The following DPP6 variants were observed in gnomAD, a reference collection of about 807,000 sequenced individuals.
DPP6 encodes A-type potassium channel modulatory protein DPP6.
In DPP6, 69 loss-of-function variants were observed where a neutral mutation model predicts 122.6. That is an observed-to-expected ratio of 0.56 (90% CI 0.46 to 0.69). The LOEUF (loss-of-function observed/expected upper bound fraction) is 0.69. Among genes scored for constraint, DPP6 ranks in the 30% least tolerant of loss-of-function variants. The probability of loss-of-function intolerance (pLI) is 0.00; values close to 1 mark genes in which losing one functional copy is unlikely to be tolerated. For synonymous variants in DPP6, 418 were observed against 433.1 expected (o/e 0.97, Z 0.43); for missense variants, 928 against 1,116.9 (o/e 0.83, Z 2.41).
chr7:154,630,455 T>G (rs763646705), intron 5 of DPP6, among the ~76,000 whole-genome samples: 16 of 152,242 alleles, frequency 1.1e-4, no homozygotes, highest in Non-Finnish European at 1.8e-4. Context: ...GGGGAATGGC[T>G]GATGCGAATT....
chr7:154,244,935 T>A (rs549265482), intron 1 of DPP6, among the ~76,000 whole-genome samples: 1 of 150,858 alleles, frequency 6.6e-6, no homozygotes, highest in East Asian at 2.0e-4. Flanking sequence ...AAGACATAAC[T>A]GTATATCTAA....
At chr7:154,440,599 G>A (rs992371473) in intron 1 of DPP6, among the ~76,000 whole-genome samples, 25 of 152,184 alleles carry the variant, frequency 1.6e-4, no homozygotes, top group African/African-American at 6.0e-4. Flanking sequence ...CCTAACCATG[G>A]GTATAGTTAT....
rs567999610 is a variant in DPP6, at chr7:154,613,534, G to A, written c.628-24287G>A. ...CTCGGGAGGCTGAGGCAGGAGAATC[G>A]CTTGAACCCAGGAGGCAGAGGTTGT... On this transcript the variant is annotated intron_variant, in intron 5 of 25. Coordinates refer to ENST00000377770, the MANE Select transcript of DPP6 (RefSeq NM_130797.4). Among the ~76,000 whole-genome samples the A allele has an allele frequency of 5.8e-4, 83 of 144,228 alleles. 1 individual carries two copies. Among genetic ancestry groups the A allele is most frequent in the African/African-American group, 2.0e-3 (76 of 38,558 alleles). The allele number at this position is 144,228 out of a possible 152,430, so 94.6% of individuals were successfully genotyped here. A position where few individuals can be genotyped will look rare whatever the true frequency, so the allele number is the denominator to read the frequency against.
intron 1 of DPP6, among the ~76,000 whole-genome samples, chr7:154,416,020 A>G (rs79373365): frequency 0.013 from 1,932 of 152,088 alleles, 49 homozygotes; most frequent in African/African-American, 0.045. Context: ...TGCAGTCTCA[A>G]TTACCTGTGG....
intron 2 of DPP6, among the ~76,000 whole-genome samples, chr7:154,469,290 A>G (rs939737962): frequency 6.6e-6 from 1 of 152,212 alleles, no homozygotes; most frequent in Non-Finnish European, 1.5e-5. Flanking sequence ...ATTTAATGCA[A>G]TTCTCATCCC....
At chr7:154,537,301 C>T (rs1586570988) in intron 3 of DPP6, among the ~76,000 whole-genome samples, 1 of 152,160 alleles carries the variant, frequency 6.6e-6, no homozygotes, top group African/African-American at 2.4e-5. Context: ...CATGAAGAGA[C>T]TTTTAAACTG....
At chr7:154,080,820 C>T (rs1031617475) in intron 1 of DPP6, among the ~76,000 whole-genome samples, 4 of 152,168 alleles carry the variant, frequency 2.6e-5, no homozygotes, top group Non-Finnish European at 4.4e-5. Flanking sequence ...AGGTCGAAGC[C>T]AGTTCGAGGA....
At chr7:154,220,464 G>A (rs890383930) in intron 1 of DPP6, among the ~76,000 whole-genome samples, 1 of 152,108 alleles carries the variant, frequency 6.6e-6, no homozygotes, top group African/African-American at 2.4e-5. Flanking sequence ...AGCAACTATT[G>A]GGCATTAGAC....
intron 5 of DPP6, among the ~76,000 whole-genome samples, chr7:154,635,908 T>G (rs1835701133): frequency 6.6e-6 from 1 of 152,118 alleles, no homozygotes; most frequent in Admixed American, 6.5e-5. Context: ...CCACGATACC[T>G]CTTATAAGCT....
intron 1 of DPP6, among the ~76,000 whole-genome samples, chr7:154,054,204 G>C (rs551870625): frequency 1.2e-3 from 184 of 152,322 alleles, no homozygotes; most frequent in African/African-American, 4.3e-3. Context: ...ACCCAGGGCA[G>C]TACATTGCCG....
chr7:154,453,808 T>G (rs1035682804), intron 2 of DPP6, among the ~76,000 whole-genome samples: 1 of 152,162 alleles, frequency 6.6e-6, no homozygotes, highest in African/African-American at 2.4e-5. Flanking sequence ...TATGTCTACT[T>G]TTATGCCTGC....
In DPP6 at chr7:154,829,412, AGAG is replaced by A. The variant is rs1300115885; in HGVS notation, c.1666+22307_1666+22309del. Among the ~76,000 whole-genome samples the A allele has an allele frequency of 8.6e-4, 102 of 118,878 alleles. 1 individual carries two copies. Among genetic ancestry groups the A allele is most frequent in the South Asian group, 6.7e-3 (18 of 2,690 alleles). The allele number at this position is 118,878 out of a possible 152,430, so 78.0% of individuals were successfully genotyped here. On this transcript the variant is annotated intron_variant, in intron 16 of 25. Coordinates refer to ENST00000377770, the MANE Select transcript of DPP6 (RefSeq NM_130797.4). ...AAAAAGGAAAGGAGAGAAGAGGGGGAGAGGAGGAGAGGAGGAGAGGAGGAGAGG... is the reference window on the plus strand; with the variant it reads ...AAAAAGGAAAGGAGAGAAGAGGGGGAGAGGAGAGGAGGAGAGGAGGAGAGG...
At chr7:154,309,023 CAG>C (rs1806619686) in intron 1 of DPP6, among the ~76,000 whole-genome samples, 1 of 152,176 alleles carries the variant, frequency 6.6e-6, no homozygotes, top group African/African-American at 2.4e-5. Context: ...GTCACAAAAT[CAG>C]AGTTGGAAAG....
At chr7:153,869,575 C>T in the DPP6 span, among the ~76,000 whole-genome samples, 2 of 152,298 alleles carry the variant, frequency 1.3e-5, no homozygotes, top group South Asian at 4.1e-4. Flanking sequence ...TTCCTGAATA[C>T]AGCACACTGA....
In DPP6 at chr7:154,486,647, C is replaced by T. The variant is rs1018522477; in HGVS notation, c.457+11610C>T. Among the ~76,000 whole-genome samples, 2 of 152,202 alleles carry T rather than the reference C, an allele frequency of 1.3e-5. No individual in the cohort carries two copies. The highest frequency in any genetic ancestry group is 1.5e-5 in the Non-Finnish European group (1 of 68,034). On this transcript the variant is annotated intron_variant, in intron 3 of 25. Coordinates refer to ENST00000377770, the MANE Select transcript of DPP6 (RefSeq NM_130797.4). The surrounding 1 kb of genome is among the most constrained non-coding windows in gnomAD (Gnocchi z 4.5). ...TCCACGATACCGCAGTAGAACTTTA[C>T]AAAACTTCAGTCAGAGCATCAGCTT...
intron 10 of DPP6, among the ~76,000 whole-genome samples, chr7:154,776,244 C>CATAGACAG (rs1554463922): frequency 5.2e-4 from 18 of 34,564 alleles, no homozygotes; most frequent in Admixed American, 3.2e-3. Flanking sequence ...TAAACAGATA[C>CATAGACAG]ATAGATAGAT....
upstream of DPP6, among the ~76,000 whole-genome samples, chr7:154,049,157 T>C (rs62485569): frequency 0.24 from 33,151 of 135,706 alleles, 1,247 homozygotes; most frequent in Middle Eastern, 0.31. Context: ...GGAATAAAAA[T>C]CTGCTTCATC....
At chr7:154,262,831 T>C (rs1803124143) in intron 1 of DPP6, among the ~76,000 whole-genome samples, 1 of 152,176 alleles carries the variant, frequency 6.6e-6, no homozygotes, top group African/African-American at 2.4e-5. Context: ...GGATAGCTTC[T>C]CGAGATACCC....
chr7:153,887,935 A>G (rs938434487), intron 1 of DPP6, among the ~76,000 whole-genome samples: 3 of 152,146 alleles, frequency 2.0e-5, no homozygotes, highest in Admixed American at 6.5e-5. Context: ...TTTCTTTGCA[A>G]ATTGCAACTT....
Sources: gnomAD v4.1 joint callset for allele counts (sites outside exome capture counted in the v4.1 genomes callset) on GRCh38, gnomAD v4.1.1 for gene constraint, Gnocchi (gnomAD v3.1) non-coding constraint, MANE v1.5 for transcripts, NCBI Gene and HGNC (gene_info 2026-07-23, HGNC 2026-07-21) for gene names.